MTMR3: variants seen among roughly 807,000 people sequenced by gnomAD.
MTMR3 encodes the protein myotubularin related protein 3.
A neutral mutation model predicts 132.4 loss-of-function variants in MTMR3; 32 were observed. The observed-to-expected ratio is 0.24, with a 90% CI of 0.18 to 0.32. The LOEUF is 0.32. Among genes scored for constraint, MTMR3 ranks in the 10% least tolerant of loss-of-function variants. MTMR3 has a pLI of 1.00. For synonymous variants in MTMR3, 556 were observed against 550.3 expected, an observed-to-expected ratio of 1.01 and a Z score of -0.14; for missense variants, 1,216 against 1,489.6, an observed-to-expected ratio of 0.82 and a Z score of 3.02.
intron 14 of MTMR3, chr22:30,013,987 G>A: frequency 6.4e-6 from 1 of 155,884 alleles, no homozygotes; most frequent in Non-Finnish European, 1.4e-5. Flanking sequence ...TGCACTGGCT[G>A]GCTCCAGCAT....
intron 1 of MTMR3, among the ~76,000 whole-genome samples, chr22:29,922,671 C>T (rs902844941): frequency 2.6e-5 from 4 of 151,914 alleles, no homozygotes; most frequent in Non-Finnish European, 5.9e-5. Context: ...GGGTATATAC[C>T]GAGAAGTGGA....
At chr22:29,955,552 C>T (rs551377524) in intron 1 of MTMR3, among the ~76,000 whole-genome samples, 2 of 152,146 alleles carry the variant, frequency 1.3e-5, no homozygotes, top group South Asian at 2.1e-4. Context: ...AAATACAGTT[C>T]GTCTCTGAAG....
At position 30,020,004 on chromosome 22, in the gene MTMR3, C is replaced by G. The variant is rs927487311; in HGVS notation, c.2345C>G (p.Pro782Arg). 2 of 1,614,056 alleles carry G rather than the reference C, an allele frequency of 1.2e-6. No individual in the cohort carries two copies. The highest frequency in any genetic ancestry group is 2.7e-5 in the African/African-American group (2 of 74,916). Residue 782 changes from proline (P) to arginine (R), a missense_variant, in exon 17 of 20, where the codon CCC (proline) becomes CGC (arginine). This residue lies in a region of MTMR3 where 852 missense variants were observed against 852.0 expected (regional missense o/e 1.00). Coordinates refer to ENST00000401950, the MANE Select transcript of MTMR3 (RefSeq NM_021090.4). ...GTTCTCCTCAGTTCTCTCCAGGTCCCCCCCAGGGGAGAGGATTCCCTGGAG... is the reference window on the plus strand; with the variant it reads ...GTTCTCCTCAGTTCTCTCCAGGTCCGCCCCAGGGGAGAGGATTCCCTGGAG... ...LSVLLSSLQVPPRGEDSLEVP... is the reference protein window; with the variant it reads ...LSVLLSSLQVRPRGEDSLEVP...
At chr22:29,968,024 G>C (rs1026889503) in intron 2 of MTMR3, among the ~76,000 whole-genome samples, 1 of 151,412 alleles carries the variant, frequency 6.6e-6, no homozygotes, top group Non-Finnish European at 1.5e-5. Context: ...TTGCACTTTT[G>C]GCCATCATGA....
chr22:29,924,637 G>T (rs2065480850), intron 1 of MTMR3, among the ~76,000 whole-genome samples: 1 of 152,128 alleles, frequency 6.6e-6, no homozygotes. Flanking sequence ...TAAATCTGTA[G>T]ATCACTTTGG....
At chr22:29,936,468 G>C (rs2065752515) in intron 1 of MTMR3, among the ~76,000 whole-genome samples, 1 of 152,002 alleles carries the variant, frequency 6.6e-6, no homozygotes, top group Non-Finnish European at 1.5e-5. Flanking sequence ...GCTTTTTCCT[G>C]TACTAGATGC....
chr22:29,995,516 C>G (rs1159467002), intron 7 of MTMR3: 1 of 152,186 alleles, frequency 6.6e-6, no homozygotes, highest in Non-Finnish European at 1.5e-5. Flanking sequence ...AGTTAGGGAA[C>G]TTCATTGCTT....
In MTMR3 at chr22:29,956,170, C is replaced by T. The variant is rs190452697; in HGVS notation, c.-137-866C>T. Among the ~76,000 whole-genome samples, 406 of 152,298 alleles carry T rather than the reference C, an allele frequency of 2.7e-3. 3 individuals carry two copies. Among genetic ancestry groups the T allele is most frequent in the African/African-American group, 9.3e-3 (388 of 41,568 alleles). Reference sequence around the variant, plus strand: ...GTTTGCACAACTTTAGAGAAATTGTCACAAAGGAACAGGTCGGTTAGATGT... The same window carrying T: ...GTTTGCACAACTTTAGAGAAATTGTTACAAAGGAACAGGTCGGTTAGATGT... On this transcript the variant is annotated intron_variant, in intron 1 of 19. Coordinates refer to ENST00000401950, the MANE Select transcript of MTMR3 (RefSeq NM_021090.4).
At chr22:29,902,469 G>A (rs965258687) in intron 1 of MTMR3, among the ~76,000 whole-genome samples, 6 of 149,320 alleles carry the variant, frequency 4.0e-5, no homozygotes, top group South Asian at 2.1e-4. Flanking sequence ...GTGCAGTGGC[G>A]CGATCTCCTG....
At chr22:30,007,762 T>G in intron 10 of MTMR3, 139 bp from the exon 11 acceptor site, 1 of 1,000,450 alleles carries the variant, frequency 1.0e-6, no homozygotes, top group Non-Finnish European at 1.4e-6. Flanking sequence ...AGAAAAATCC[T>G]ATGTATCAAG....
intron 1 of MTMR3, among the ~76,000 whole-genome samples, chr22:29,907,262 C>T (rs1223223075): frequency 6.6e-6 from 1 of 151,832 alleles, no homozygotes; most frequent in South Asian, 2.1e-4. Flanking sequence ...ATTAGCCGGG[C>T]GTCGTCGTGG....
intron 1 of MTMR3, among the ~76,000 whole-genome samples, chr22:29,926,714 T>C (rs1231511700): frequency 1.3e-5 from 2 of 152,210 alleles, no homozygotes; most frequent in African/African-American, 4.8e-5. Flanking sequence ...TTAGATTCTT[T>C]GCCTATTTTT....
intron 1 of MTMR3, among the ~76,000 whole-genome samples, chr22:29,943,909 T>C (rs2065905674): frequency 6.6e-6 from 1 of 151,938 alleles, no homozygotes; most frequent in Admixed American, 6.6e-5. Context: ...TTGCAAACTC[T>C]GCCTCCTGGG....
intron 1 of MTMR3, among the ~76,000 whole-genome samples, chr22:29,935,261 G>A (rs983790183): frequency 2.0e-5 from 3 of 152,088 alleles, no homozygotes; most frequent in Admixed American, 1.3e-4. Context: ...TGTACAGTTC[G>A]AAGTGTTCCT....
chr22:29,982,394 T>G (rs2066767046), intron 5 of MTMR3: 1 of 152,056 alleles, frequency 6.6e-6, no homozygotes, highest in Non-Finnish European at 1.5e-5. Context: ...AGACAGTTGG[T>G]AGTGGTGTTG....
chr22:29,913,726 GT>G (rs546672898), intron 1 of MTMR3, among the ~76,000 whole-genome samples: 107 of 146,378 alleles, frequency 7.3e-4, no homozygotes, highest in African/African-American at 1.6e-3. Flanking sequence ...GGATATTGGG[GT>G]TTTTTTTTTT....
chr22:29,913,818 C>A (rs990595532), intron 1 of MTMR3, among the ~76,000 whole-genome samples: 1 of 151,860 alleles, frequency 6.6e-6, no homozygotes, highest in Non-Finnish European at 1.5e-5. Context: ...GTGGCGAGAT[C>A]TCGGCTAACT....
At chr22:29,991,019 T>G (rs2066950785) in intron 6 of MTMR3, 1 of 152,528 alleles carries the variant, frequency 6.6e-6, no homozygotes, top group South Asian at 2.1e-4. Flanking sequence ...CAATCTGTCT[T>G]TTGGATCTGA....
chr22:29,890,638 A>T (rs2064778728), intron 1 of MTMR3, among the ~76,000 whole-genome samples: 1 of 152,172 alleles, frequency 6.6e-6, no homozygotes, highest in African/African-American at 2.4e-5. Flanking sequence ...GTGTATTAGT[A>T]TTCAATTCCA....
Sources: allele counts gnomAD v4.1 joint callset (sites outside exome capture counted in the v4.1 genomes callset), GRCh38; gene constraint gnomAD v4.1.1; regional missense constraint gnomAD v4.1.1; transcripts MANE v1.5; gene names NCBI Gene and HGNC (gene_info 2026-07-23, HGNC 2026-07-21).